WNT7A: variants seen among roughly 807,000 people sequenced by gnomAD.
The protein encoded by WNT7A is protein Wnt-7a.
WNT7A carries 16 observed loss-of-function variants against 28.2 expected under a neutral mutation model. The ratio of observed to expected loss-of-function variants is 0.57; its 90% CI spans 0.38 to 0.86. WNT7A has a LOEUF of 0.86. Ranked by LOEUF, WNT7A falls within the 40% of genes least tolerant of loss-of-function variation. WNT7A has a pLI of 0.00. For missense variants in WNT7A, 411 were observed against 489.7 expected (o/e 0.84, Z 1.52); for synonymous variants, 190 against 195.9 (o/e 0.97, Z 0.25).
intron 2 of WNT7A, among the ~76,000 whole-genome samples, chr3:13,861,213 C>T (rs2124866514): frequency 6.6e-6 from 1 of 152,360 alleles, no homozygotes; most frequent in East Asian, 1.9e-4. Context: ...GCTTGGCCAC[C>T]ATGGCCTGTG....
chr3:13,847,773 G>T (rs553049911), intron 3 of WNT7A, among the ~76,000 whole-genome samples: 20 of 145,630 alleles, frequency 1.4e-4, no homozygotes, highest in African/African-American at 4.7e-4. Flanking sequence ...CAAAGAGACA[G>T]AAAGTGGAAA....
intron 3 of WNT7A, among the ~76,000 whole-genome samples, chr3:13,838,964 A>T (rs1248031388): frequency 6.6e-6 from 1 of 152,242 alleles, no homozygotes; most frequent in Non-Finnish European, 1.5e-5. Context: ...AAAATTAAAA[A>T]GTATCTCAGT....
At chr3:13,852,883 A>G (rs1241044501) in intron 3 of WNT7A, among the ~76,000 whole-genome samples, 2 of 152,174 alleles carry the variant, frequency 1.3e-5, no homozygotes, top group African/African-American at 4.8e-5. Flanking sequence ...GTGTCTGTAG[A>G]AGTGCTTTTC....
At chr3:13,849,462 C>T (rs1361262917) in intron 3 of WNT7A, among the ~76,000 whole-genome samples, 3 of 152,162 alleles carry the variant, frequency 2.0e-5, no homozygotes, top group Admixed American at 6.5e-5. Flanking sequence ...TGGAAATCCC[C>T]CCAAGACAGA....
At chr3:13,853,775 C>A (rs1694680238) in intron 3 of WNT7A, among the ~76,000 whole-genome samples, 1 of 152,216 alleles carries the variant, frequency 6.6e-6, no homozygotes, top group Non-Finnish European at 1.5e-5. Context: ...ACGTGCTATT[C>A]TCTCCTTTAA....
chr3:13,861,136 G>C (rs1694821635), intron 2 of WNT7A, among the ~76,000 whole-genome samples: 1 of 152,294 alleles, frequency 6.6e-6, no homozygotes, highest in South Asian at 2.1e-4. Flanking sequence ...AACCATTCCA[G>C]TCCTACTGAC....
At chr3:13,849,448 C>T (rs1694593758) in intron 3 of WNT7A, among the ~76,000 whole-genome samples, 1 of 152,198 alleles carries the variant, frequency 6.6e-6, no homozygotes, top group Non-Finnish European at 1.5e-5. Flanking sequence ...TGCAGCCCTG[C>T]TCCTGGAAAT....
At chr3:13,842,304 G>C (rs1694473506) in intron 3 of WNT7A, among the ~76,000 whole-genome samples, 1 of 152,176 alleles carries the variant, frequency 6.6e-6, no homozygotes. Context: ...GAGAGATGCT[G>C]GTGGATAGGA....
At chr3:13,825,899 C>T (rs1011754511) in intron 3 of WNT7A, among the ~76,000 whole-genome samples, 18 of 152,188 alleles carry the variant, frequency 1.2e-4, no homozygotes, top group Admixed American at 6.5e-4. Flanking sequence ...TAGCTGGGAC[C>T]GGAAACTCCA....
intron 2 of WNT7A, among the ~76,000 whole-genome samples, chr3:13,873,385 G>A (rs964804844): frequency 2.6e-5 from 4 of 152,018 alleles, no homozygotes; most frequent in Admixed American, 1.3e-4. Flanking sequence ...TTGCACCTCT[G>A]TCGATAAACT....
At position 13,879,658 on chromosome 3, in the gene WNT7A, G is replaced by A; in HGVS notation, c.71+88C>T. On this transcript the variant is annotated intron_variant, in intron 1 of 3. Coordinates refer to ENST00000285018, the MANE Select transcript of WNT7A (RefSeq NM_004625.4). ...CTCAGAGAAGCTGTGGAAGTTGGCC[G>A]GCAGAGGCTCGCAGGCGGCACACCT... 4 of 1,461,546 alleles carry A rather than the reference G, an allele frequency of 2.7e-6. No individual in the cohort carries two copies. The East Asian group carries it at 9.9e-5, about 36-fold the overall frequency. The allele number at this position is 1,461,546 out of a possible 1,614,324, so 90.5% of individuals were successfully genotyped here. A position where few individuals can be genotyped will look rare whatever the true frequency, so the allele number is the denominator to read the frequency against.
At chr3:13,874,922 C>T (rs200317003) in intron 2 of WNT7A, 25 bp downstream of exon 2, 19 of 1,610,974 alleles carry the variant, frequency 1.2e-5, no homozygotes, top group East Asian at 6.7e-5. Flanking sequence ...TAAGACTCTG[C>T]GGGGGTGTTT....
chr3:13,857,272 G>A (rs1312591524), intron 2 of WNT7A, among the ~76,000 whole-genome samples: 2 of 152,220 alleles, frequency 1.3e-5, no homozygotes, highest in African/African-American at 4.8e-5. Context: ...ATGTTGCTGA[G>A]CTCTGCCAAG....
chr3:13,879,326 G>C (rs1695168740), intron 1 of WNT7A, among the ~76,000 whole-genome samples: 1 of 152,234 alleles, frequency 6.6e-6, no homozygotes, highest in African/African-American at 2.4e-5. Flanking sequence ...CCTCCTGAGA[G>C]AGTTCGTCTC....
At chr3:13,872,274 A>G (rs953416177) in intron 2 of WNT7A, among the ~76,000 whole-genome samples, 1 of 152,224 alleles carries the variant, frequency 6.6e-6, no homozygotes, top group African/African-American at 2.4e-5. Flanking sequence ...ATTAGGGGCT[A>G]TGGATTCAAC....
intron 2 of WNT7A, among the ~76,000 whole-genome samples, chr3:13,873,020 T>C (rs1483304981): frequency 2.0e-5 from 3 of 152,140 alleles, no homozygotes; most frequent in Non-Finnish European, 4.4e-5. Flanking sequence ...TGTGTGTGTG[T>C]GTGTCTGTGT....
At chr3:13,854,927 C>A in intron 2 of WNT7A, 124 bp from the exon 3 acceptor site, 1 of 1,315,926 alleles carries the variant, frequency 7.6e-7, no homozygotes, top group East Asian at 2.4e-5. Context: ...CGACTGAGTA[C>A]CCGTTCCTAA....
Position 13,818,955 on chromosome 3 carries a change from T to G in WNT7A, c.1039A>C (p.Thr347Pro). The change falls in exon 4 of 4, where the codon ACG (threonine) becomes CCG (proline). Residue 347 changes from threonine to proline, a missense_variant. Coordinates refer to ENST00000285018, the MANE Select transcript of WNT7A (RefSeq NM_004625.4). Reference sequence around the variant, plus strand: ...TGTGCACACGGGGCTCACTTGCACGTGTACATCTCCGTGCGCTCGCTGCAC... The same window carrying G: ...TGTGCACACGGGGCTCACTTGCACGGGTACATCTCCGTGCGCTCGCTGCAC... ...NTCSERTEMY[T>P]CK 1 of 1,576,450 alleles carries G rather than the reference T, an allele frequency of 6.3e-7. No individual in the cohort carries two copies. Among genetic ancestry groups the G allele is most frequent in the Non-Finnish European group, 8.7e-7 (1 of 1,155,692 alleles).
chr3:13,834,468 G>A (rs549898092), intron 3 of WNT7A, among the ~76,000 whole-genome samples: 3 of 152,042 alleles, frequency 2.0e-5, no homozygotes, highest in Non-Finnish European at 2.9e-5. Context: ...GGTGTACGGG[G>A]CTCCTTTTAC....
Sources: allele counts gnomAD v4.1 joint callset (sites outside exome capture counted in the v4.1 genomes callset), GRCh38; gene constraint gnomAD v4.1.1; transcripts MANE v1.5; gene names NCBI Gene and HGNC (gene_info 2026-07-23, HGNC 2026-07-21).